ERP27: variants seen among roughly 807,000 people sequenced by gnomAD.
ERP27 encodes endoplasmic reticulum protein 27, also known as endoplasmic reticulum resident protein 27.
Under a neutral mutation model 27.7 loss-of-function variants are expected in ERP27, and 23 were observed. That is an observed-to-expected ratio of 0.83 (90% CI 0.60 to 1.18). The LOEUF is 1.18. ERP27 is among the 50% of genes most tolerant of loss of function. ERP27 has a pLI of 0.00. For missense variants in ERP27, 363 were observed against 327.9 expected, an observed-to-expected ratio of 1.11 and a Z score of -0.83; for synonymous variants, 159 against 118.3, an observed-to-expected ratio of 1.34 and a Z score of -2.23.
intron 2 of ERP27, among the ~76,000 whole-genome samples, chr12:14,935,850 C>T (rs565005035): frequency 6.6e-6 from 1 of 152,298 alleles, no homozygotes; most frequent in South Asian, 2.1e-4. Flanking sequence ...TCCTGAGTAG[C>T]TGGGACTACA....
intron 3 of ERP27, among the ~76,000 whole-genome samples, chr12:14,925,012 A>G (rs1863579096): frequency 6.6e-6 from 1 of 152,230 alleles, no homozygotes; most frequent in East Asian, 1.9e-4. Flanking sequence ...AAGGTGAGGC[A>G]TGGATAATCC....
chr12:14,934,318 G>A (rs972108531), intron 3 of ERP27, among the ~76,000 whole-genome samples: 3 of 151,816 alleles, frequency 2.0e-5, no homozygotes, highest in Non-Finnish European at 4.4e-5. Context: ...TTTACCCATA[G>A]TGATTCTCTT....
intron 4 of ERP27, among the ~76,000 whole-genome samples, chr12:14,917,588 G>T (rs1402716632): frequency 6.6e-6 from 1 of 152,178 alleles, no homozygotes; most frequent in East Asian, 1.9e-4. Flanking sequence ...AAGACATTAT[G>T]GTTTCTGCTC....
At chr12:14,919,830 T>C (rs1001195227) in intron 4 of ERP27, among the ~76,000 whole-genome samples, 1 of 152,266 alleles carries the variant, frequency 6.6e-6, no homozygotes, top group Non-Finnish European at 1.5e-5. Flanking sequence ...AGTTACATTT[T>C]GTCCCTTAAA....
chr12:14,924,397 T>C (rs1863564856), intron 3 of ERP27, among the ~76,000 whole-genome samples: 1 of 152,230 alleles, frequency 6.6e-6, no homozygotes, highest in African/African-American at 2.4e-5. Context: ...GTATATCCAA[T>C]AGTGAAAGTG....
chr12:14,937,040 C>T (rs971496963), intron 2 of ERP27, among the ~76,000 whole-genome samples: 1 of 152,154 alleles, frequency 6.6e-6, no homozygotes, highest in African/African-American at 2.4e-5. Flanking sequence ...AAAATGATGG[C>T]ATCTGGCGGC....
chr12:14,928,637 T>C (rs1863648084), intron 3 of ERP27, among the ~76,000 whole-genome samples: 1 of 152,218 alleles, frequency 6.6e-6, no homozygotes, highest in South Asian at 2.1e-4. Flanking sequence ...TAAATAAATG[T>C]TGAGGTACAG....
At position 14,920,145 on chromosome 12, in the gene ERP27, C is replaced by T. The variant is rs78675563; in HGVS notation, c.450+787G>A. Among the ~76,000 whole-genome samples, 1,197 of 152,270 alleles carry T rather than the reference C, an allele frequency of 7.9e-3. 21 individuals carry two copies. The highest frequency in any genetic ancestry group is 0.026 in the African/African-American group (1,070 of 41,532). On this transcript the variant is annotated intron_variant, in intron 4 of 6. Coordinates refer to ENST00000266397, the MANE Select transcript of ERP27 (RefSeq NM_152321.4). Reference sequence around the variant, plus strand: ...GTCAGGGAAAATAAAGGATGGGACACATAAGATAATTCTGTAGACTGTTAT... The same window carrying T: ...GTCAGGGAAAATAAAGGATGGGACATATAAGATAATTCTGTAGACTGTTAT...
chr12:14,915,642 C>T lies in ERP27; in HGVS notation c.621G>A (p.Lys207=), dbSNP rs776827696. 8.1e-6 allele frequency: 13 copies of T among 1,614,056 alleles called. No individual in the cohort carries two copies. In the East Asian group the frequency reaches 2.2e-4, roughly 28 times the overall value. The part of the protein sequence containing the change: ...LVDSGMKENG[K]VISFFKLKES... ...CCTTTAGTTTGAAAAATGATATCAC[C>T]TTCCCATTTTCTTTCATACCACTGT... Residue 207 remains lysine (K), a synonymous_variant, in exon 6 of 7, where the codon AAG becomes AAA. Coordinates refer to ENST00000266397, the MANE Select transcript of ERP27 (RefSeq NM_152321.4).
intron 2 of ERP27, among the ~76,000 whole-genome samples, chr12:14,937,522 A>T (rs1045751265): frequency 6.6e-6 from 1 of 152,202 alleles, no homozygotes; most frequent in African/African-American, 2.4e-5. Context: ...CTGTGCACTG[A>T]CTAATGTCCA....
At chr12:14,917,649 A>C (rs1047190340) in intron 4 of ERP27, among the ~76,000 whole-genome samples, 2 of 152,160 alleles carry the variant, frequency 1.3e-5, no homozygotes, top group Non-Finnish European at 2.9e-5. Context: ...TAGGGCACTC[A>C]AGCAGTCCTC....
At chr12:14,921,539 C>T (rs1299604567) in intron 3 of ERP27, among the ~76,000 whole-genome samples, 1 of 152,118 alleles carries the variant, frequency 6.6e-6, no homozygotes, top group African/African-American at 2.4e-5. Flanking sequence ...GAAGCCAAGG[C>T]ATGTAGATTA....
At chr12:14,933,849 T>C (rs1195231073) in intron 3 of ERP27, among the ~76,000 whole-genome samples, 1 of 152,206 alleles carries the variant, frequency 6.6e-6, no homozygotes, top group Non-Finnish European at 1.5e-5. Flanking sequence ...GCTACCTCTC[T>C]ACTACAGACT....
chr12:14,923,920 C>T (rs747213270), intron 3 of ERP27, among the ~76,000 whole-genome samples: 1 of 152,156 alleles, frequency 6.6e-6, no homozygotes, highest in Middle Eastern at 3.2e-3. Flanking sequence ...TATACTCACC[C>T]TACTGTGCAA....
At chr12:14,922,851 G>A (rs762281247) in intron 3 of ERP27, among the ~76,000 whole-genome samples, 5 of 152,118 alleles carry the variant, frequency 3.3e-5, no homozygotes, top group Non-Finnish European at 5.9e-5. Context: ...CGAGGCCAGC[G>A]GATCACCTGA....
chr12:14,914,601 T>C lies in ERP27; in HGVS notation c.*134A>G, dbSNP rs537755110. The stretch of plus-strand genomic sequence containing the variant: ...GTGCGTGTGTGTGTGCACGCGTGCG[T>C]GCGTGTGTGCACGTGCGTGTGTGTG... On this transcript the variant is annotated 3_prime_UTR_variant, in exon 7 of 7. Coordinates refer to ENST00000266397, the MANE Select transcript of ERP27 (RefSeq NM_152321.4). 1.4e-5 allele frequency: 9 copies of C among 661,826 alleles called. No homozygotes were observed. In the East Asian group the frequency reaches 2.4e-4, roughly 17 times the overall value. The allele number at this position is 661,826 out of a possible 1,614,324, so 41.0% of individuals were successfully genotyped here.
At chr12:14,929,639 C>T (rs912386762) in intron 3 of ERP27, among the ~76,000 whole-genome samples, 3 of 152,068 alleles carry the variant, frequency 2.0e-5, no homozygotes, top group African/African-American at 7.2e-5. Context: ...GGAAATATTG[C>T]TACCTTAAAA....
chr12:14,932,819 C>A (rs1565453733), intron 3 of ERP27, among the ~76,000 whole-genome samples: 1 of 152,252 alleles, frequency 6.6e-6, no homozygotes, highest in South Asian at 2.1e-4. Context: ...ATAGAAGATA[C>A]AACTGGCAAA....
In ERP27 at chr12:14,915,555, G is replaced by A; in HGVS notation, c.708C>T (p.Pro236=). The change falls in exon 6 of 7, where the codon CCC becomes CCT. Residue 236 remains proline (P), a synonymous_variant. Transcript: ENST00000266397. ...CATGCTCTACGGAAACTTCTGCTGT[G>A]GGCAGTGTATCCCACTCGTCATCTA... is the stretch of plus-strand genomic sequence containing the variant. ...QTLDDEWDTL[P]TAEVSVEHVQ... 3.7e-6 allele frequency: 6 copies of A among 1,614,188 alleles called. No individual in the cohort carries two copies. Among genetic ancestry groups the A allele is most frequent in the Non-Finnish European group, 5.1e-6 (6 of 1,180,020 alleles).
Sources: allele counts gnomAD v4.1 joint callset (sites outside exome capture counted in the v4.1 genomes callset), GRCh38; gene constraint gnomAD v4.1.1; transcripts MANE v1.5; gene names NCBI Gene and HGNC (gene_info 2026-07-23, HGNC 2026-07-21).